MAP4K1: variants seen among roughly 807,000 people sequenced by gnomAD.
MAP4K1 encodes the protein MAPK/ERK kinase kinase kinase 1.
MAP4K1 carries 35 observed loss-of-function variants against 122.8 expected under a neutral mutation model. That is an observed-to-expected ratio of 0.29 (90% confidence interval 0.22 to 0.38). The LOEUF (loss-of-function observed/expected upper bound fraction) is 0.38, where lower values mean the gene tolerates loss of function less well. MAP4K1 is among the 10% of genes least tolerant of loss of function. MAP4K1 has a pLI of 1.00. For missense variants in MAP4K1, 791 were observed against 1,072.6 expected (o/e 0.74, Z 3.67); for synonymous variants, 412 against 421.3 (o/e 0.98, Z 0.27).
At chr19:38,593,460 T>C in intron 29 of MAP4K1, 123 bp from the exon 30 acceptor site, 2 of 769,978 alleles carry the variant, frequency 2.6e-6, no homozygotes, top group South Asian at 1.8e-5. Flanking sequence ...CCCAGCACTT[T>C]GGGAGGCCGA....
At chr19:38,614,552 G>A (rs1975592310) in intron 4 of MAP4K1, 107 bp from the exon 5 acceptor site, 1 of 1,215,474 alleles carries the variant, frequency 8.2e-7, no homozygotes, top group African/African-American at 1.5e-5. Context: ...TAGGGAGAGG[G>A]GAAATAGGAT....
chr19:38,601,911 G>A (rs1975076618), intron 19 of MAP4K1, among the ~76,000 whole-genome samples: 1 of 151,908 alleles, frequency 6.6e-6, no homozygotes, highest in African/African-American at 2.4e-5. Flanking sequence ...CTGAGTAGCT[G>A]GGACCAAAGG....
chr19:38,589,304 AAAC>A (rs1349144465), intron 30 of MAP4K1: 4 of 271,038 alleles, frequency 1.5e-5, no homozygotes, highest in South Asian at 3.0e-5. Context: ...CTCTGACTCA[AAAC>A]AACAACAAAA....
Position 38,617,876 on chromosome 19 carries a change from TCAGGGTCCACGACGTC to T in MAP4K1, c.4_19del (p.Asp2ThrfsTer39). 6.2e-7 allele frequency: 1 copy of T among 1,614,068 alleles called. No individual in the cohort carries two copies. Among genetic ancestry groups the T allele is most frequent in the Non-Finnish European group, 8.5e-7 (1 of 1,180,000 alleles). On this transcript the variant is annotated frameshift_variant, in exon 1 of 31. Transcript: ENST00000396857. LOFTEE classifies it high-confidence loss of function. This position sits in a 1 kb window ranked among gnomAD's most constrained non-coding sequence, Gnocchi z 4.1. ...GTCCCGGGGGTCTCTATTGAAAATGTCAGGGTCCACGACGTCCATCCCTGGGGGCCTGAGCTGGGCC... is the reference window on the plus strand; with the variant it reads ...GTCCCGGGGGTCTCTATTGAAAATGTCATCCCTGGGGGCCTGAGCTGGGCC...
At chr19:38,593,250 C>A in intron 30 of MAP4K1, 32 bp downstream of exon 30, 1 of 1,601,632 alleles carries the variant, frequency 6.2e-7, no homozygotes, top group Admixed American at 1.7e-5. Flanking sequence ...AGCCCCCTCC[C>A]AGGTCCTTCT....
chr19:38,594,344 C>A (rs1974807208), intron 29 of MAP4K1, among the ~76,000 whole-genome samples: 1 of 152,126 alleles, frequency 6.6e-6, no homozygotes, highest in South Asian at 2.1e-4. Flanking sequence ...GAGACCCTAT[C>A]TCCAAAACAA....
At chr19:38,606,887 T>C (rs1266897090) in intron 16 of MAP4K1, among the ~76,000 whole-genome samples, 2 of 151,896 alleles carry the variant, frequency 1.3e-5, no homozygotes, top group East Asian at 1.9e-4. Context: ...GTGAAGTGAG[T>C]GCGCGCACCT....
rs962276155 is a variant in MAP4K1 at position 38,614,062 on chromosome 19, A to G, written c.441T>C (p.Asp147=). The G allele has an allele frequency of 2.5e-6, 4 of 1,597,600 alleles. No individual in the cohort carries two copies. Among genetic ancestry groups the G allele is most frequent in the Non-Finnish European group, 3.4e-6 (4 of 1,173,638 alleles). The change falls in exon 7 of 31, where the codon GAT becomes GAC. Residue 147 remains aspartate (D), a synonymous_variant. Transcript: ENST00000396857. ...ACTCACCCAATCTGACCTCCCCAGC[A>G]TCATTGATGAGGATGTTAGCTCCCT... ...DIKGANILIN[D]AGEVRLADFG...
intron 20 of MAP4K1, among the ~76,000 whole-genome samples, chr19:38,600,533 C>G (rs994778103): frequency 2.0e-5 from 3 of 152,104 alleles, no homozygotes; most frequent in African/African-American, 7.2e-5. Context: ...CACCCCCAAA[C>G]AGGACTTTTT....
rs756278155 is a variant in MAP4K1, at chr19:38,593,350, A to T, written c.2341-13T>A. The T allele has an allele frequency of 6.9e-6, 11 of 1,604,378 alleles. 1 individual carries two copies. The South Asian group carries it at 1.2e-4, about 18-fold the overall frequency. ...GCTCCTGTAGCAGCTAGGGAAAAAA[A>T]GTGTGTGTCTCAGTGCCTGGAAGAT... On this transcript the variant is annotated splice_polypyrimidine_tract_variant and intron_variant, in intron 29 of 30. Coordinates refer to ENST00000396857, the MANE Select transcript of MAP4K1 (RefSeq NM_001042600.3).
chr19:38,606,456 A>T (rs772043608), intron 16 of MAP4K1, among the ~76,000 whole-genome samples: 55 of 152,206 alleles, frequency 3.6e-4, no homozygotes, highest in Non-Finnish European at 7.1e-4. Context: ...CAGGAATTCG[A>T]GACTAGCCTG....
At chr19:38,605,202 G>C (rs1163693977) in intron 19 of MAP4K1, among the ~76,000 whole-genome samples, 1 of 151,652 alleles carries the variant, frequency 6.6e-6, no homozygotes, top group Non-Finnish European at 1.5e-5. Context: ...TTCCCCATTT[G>C]TGAAATGGGG....
chr19:38,615,579 G>GAGAC (rs557084384), intron 4 of MAP4K1, among the ~76,000 whole-genome samples: 454 of 152,260 alleles, frequency 3.0e-3, no homozygotes, highest in Middle Eastern at 0.014. Context: ...GAGAGACAGA[G>GAGAC]AGACAGACAG....
intron 19 of MAP4K1, among the ~76,000 whole-genome samples, chr19:38,603,335 T>C (rs756961268): frequency 6.6e-6 from 1 of 150,886 alleles, no homozygotes; most frequent in Admixed American, 6.6e-5. Flanking sequence ...TATATACGCA[T>C]ATACATATAT....
intron 22 of MAP4K1, among the ~76,000 whole-genome samples, chr19:38,598,886 G>A (rs1369500939): frequency 6.6e-6 from 1 of 150,606 alleles, no homozygotes; most frequent in Non-Finnish European, 1.5e-5. Context: ...GGTGGCAGGT[G>A]CCTGTAATCC....
intron 30 of MAP4K1, among the ~76,000 whole-genome samples, chr19:38,588,424 C>T (rs1974593722): frequency 6.6e-6 from 1 of 152,006 alleles, no homozygotes; most frequent in South Asian, 2.1e-4. Context: ...GGCATGGTGG[C>T]TCATGCTTGT....
chr19:38,597,841 G>A lies in MAP4K1; in HGVS notation c.1670-247C>T, dbSNP rs1476241957. On this transcript the variant is annotated intron_variant, in intron 22 of 30. Transcript: ENST00000396857. The surrounding 1 kb of genome is among the most constrained non-coding windows in gnomAD (Gnocchi z 4.6). Reference sequence around the variant, plus strand: ...CATAAAAAATATGTTCCCTACCCTCGTGGTATTTGTAGCCGTATCAGAAAC... The same window carrying A: ...CATAAAAAATATGTTCCCTACCCTCATGGTATTTGTAGCCGTATCAGAAAC... Among the ~76,000 whole-genome samples the A allele has an allele frequency of 3.9e-5, 6 of 151,994 alleles. No homozygotes were observed. Among genetic ancestry groups the A allele is most frequent in the Admixed American group, 1.3e-4 (2 of 15,226 alleles).
intron 17 of MAP4K1, 93 bp downstream of exon 17, chr19:38,606,080 G>A (rs1975320869): frequency 3.0e-6 from 3 of 1,015,420 alleles, no homozygotes; most frequent in East Asian, 5.1e-5. Flanking sequence ...TCCCTGCCCT[G>A]GAGAGCCCAG....
At chr19:38,590,645 T>C (rs1299778287) in intron 30 of MAP4K1, among the ~76,000 whole-genome samples, 1 of 151,220 alleles carries the variant, frequency 6.6e-6, no homozygotes, top group African/African-American at 2.4e-5. Flanking sequence ...CAGCTAATTT[T>C]TGTATTTTTA....
Sources: allele counts gnomAD v4.1 joint callset (sites outside exome capture counted in the v4.1 genomes callset), GRCh38; gene constraint gnomAD v4.1.1; non-coding constraint Gnocchi (gnomAD v3.1); transcripts MANE v1.5; gene names NCBI Gene and HGNC (gene_info 2026-07-23, HGNC 2026-07-21).